KCNH1: variants seen among roughly 807,000 people sequenced by gnomAD.
The protein encoded by KCNH1 is voltage-gated delayed rectifier potassium channel KCNH1.
In KCNH1, 27 loss-of-function variants were observed where a neutral mutation model predicts 69.2. The observed-to-expected ratio is 0.39, with a 90% CI of 0.29 to 0.54. The LOEUF is 0.54. KCNH1 is among the 20% of genes least tolerant of loss of function. The pLI is 0.68. For missense variants in KCNH1, 798 were observed against 1,261.6 expected (o/e 0.63, Z 5.57); for synonymous variants, 456 against 487.7 (o/e 0.93, Z 0.86).
At chr1:210,793,366 A>G (rs1684246752) in intron 9 of KCNH1, among the ~76,000 whole-genome samples, 1 of 152,234 alleles carries the variant, frequency 6.6e-6, no homozygotes, top group Non-Finnish European at 1.5e-5. Context: ...AATAGAAAAT[A>G]CCAGGTTGCA....
chr1:210,709,980 A>G (rs1682026296), intron 10 of KCNH1, among the ~76,000 whole-genome samples: 1 of 152,222 alleles, frequency 6.6e-6, no homozygotes, highest in African/African-American at 2.4e-5. Flanking sequence ...GTGTTGCTTA[A>G]CAACAGGAAT....
At chr1:210,906,103 G>C (rs1181604952) in intron 7 of KCNH1, among the ~76,000 whole-genome samples, 5 of 152,176 alleles carry the variant, frequency 3.3e-5, no homozygotes, top group African/African-American at 1.2e-4. Context: ...ACTCCCAGAA[G>C]TAAAAGTCAT....
intron 2 of KCNH1, among the ~76,000 whole-genome samples, chr1:211,106,730 G>A (rs1226744051): frequency 1.3e-5 from 2 of 150,486 alleles, no homozygotes; most frequent in Non-Finnish European, 3.0e-5. Flanking sequence ...AGGAGACAGA[G>A]GCTGCAGTGA....
intron 10 of KCNH1, among the ~76,000 whole-genome samples, chr1:210,770,559 G>A (rs1223760057): frequency 6.6e-6 from 1 of 152,210 alleles, no homozygotes; most frequent in Non-Finnish European, 1.5e-5. Context: ...CTAATAGCAT[G>A]GCCGGGTTAA....
At chr1:210,889,621 G>C (rs1686701525) in intron 7 of KCNH1, among the ~76,000 whole-genome samples, 1 of 152,212 alleles carries the variant, frequency 6.6e-6, no homozygotes, top group African/African-American at 2.4e-5. Flanking sequence ...AATTGTCTCT[G>C]TTTGCAGATG....
intron 10 of KCNH1, among the ~76,000 whole-genome samples, chr1:210,765,437 G>T (rs1047128696): frequency 4.6e-5 from 7 of 152,200 alleles, no homozygotes; most frequent in Non-Finnish European, 8.8e-5. Context: ...TATGGGCTTG[G>T]TGATTGCCAG....
At chr1:210,726,276 G>A (rs1268659455) in intron 10 of KCNH1, among the ~76,000 whole-genome samples, 1 of 152,120 alleles carries the variant, frequency 6.6e-6, no homozygotes, top group Non-Finnish European at 1.5e-5. Context: ...TCGCTGATGT[G>A]CAATAACACC....
At chr1:211,084,838 T>C (rs959274629) in intron 4 of KCNH1, among the ~76,000 whole-genome samples, 2 of 152,232 alleles carry the variant, frequency 1.3e-5, no homozygotes, top group Admixed American at 6.5e-5. Flanking sequence ...GTGTTAATTC[T>C]ATAAACATAA....
chr1:210,885,148 C>T (rs1287304109), intron 7 of KCNH1, among the ~76,000 whole-genome samples: 1 of 152,236 alleles, frequency 6.6e-6, no homozygotes, highest in Non-Finnish European at 1.5e-5. Context: ...ATAGGAACAA[C>T]TCCGGTCTGC....
intron 7 of KCNH1, among the ~76,000 whole-genome samples, chr1:210,874,319 A>G (rs974855515): frequency 6.6e-6 from 1 of 152,142 alleles, no homozygotes; most frequent in Non-Finnish European, 1.5e-5. Flanking sequence ...AAGAGAATAA[A>G]TTTTCCTGCT....
Position 210,792,085 on chromosome 1 carries a change from A to T in KCNH1, c.1915+5423T>A, listed in dbSNP as rs1014538307. Among the ~76,000 whole-genome samples the T allele has an allele frequency of 3.8e-4, 57 of 150,698 alleles. 1 individual carries two copies. The highest frequency in any genetic ancestry group is 1.3e-3 in the African/African-American group (55 of 40,972). Reference sequence around the variant, plus strand: ...CTCTTCCCATCTTCTTTCCTCCTCCACTTCCTCCTCCTCTGGCCCTGTTGA... The same window carrying T: ...CTCTTCCCATCTTCTTTCCTCCTCCTCTTCCTCCTCCTCTGGCCCTGTTGA... On this transcript the variant is annotated intron_variant, in intron 9 of 10. Transcript: ENST00000271751.
At chr1:210,776,723 T>C (rs61829493) in intron 9 of KCNH1, among the ~76,000 whole-genome samples, 35,388 of 152,080 alleles carry the variant, frequency 0.23, 4,850 homozygotes, top group African/African-American at 0.39. Context: ...ACCCAGACTA[T>C]GGTATTTTGT....
At chr1:210,787,079 C>A (rs1684118803) in intron 9 of KCNH1, among the ~76,000 whole-genome samples, 1 of 152,202 alleles carries the variant, frequency 6.6e-6, no homozygotes, top group South Asian at 2.1e-4. Flanking sequence ...TACCCTCAGT[C>A]CAAATTCCCT....
chr1:210,892,233 C>A (rs1686765917), intron 7 of KCNH1, among the ~76,000 whole-genome samples: 1 of 151,516 alleles, frequency 6.6e-6, no homozygotes. Flanking sequence ...AAAAAAACAA[C>A]CCTTATATCC....
At chr1:210,698,401 G>A (rs1681692580) in intron 10 of KCNH1, among the ~76,000 whole-genome samples, 1 of 152,182 alleles carries the variant, frequency 6.6e-6, no homozygotes, top group South Asian at 2.1e-4. Flanking sequence ...CAGGAGAACA[G>A]GGCATTTGAG....
chr1:210,998,526 T>C (rs995599747), intron 6 of KCNH1, among the ~76,000 whole-genome samples: 1 of 151,998 alleles, frequency 6.6e-6, no homozygotes, highest in African/African-American at 2.4e-5. Flanking sequence ...TCCTGAGAGA[T>C]CTACAAAGAG....
At chr1:211,087,500 TAACAAAAG>T (rs1405120658) in intron 4 of KCNH1, among the ~76,000 whole-genome samples, 1 of 151,860 alleles carries the variant, frequency 6.6e-6, no homozygotes, top group Non-Finnish European at 1.5e-5. Flanking sequence ...CAATTATCTA[TAACAAAAG>T]AAAAAGCAAG....
At chr1:210,692,062 C>A (rs946202903) in intron 10 of KCNH1, among the ~76,000 whole-genome samples, 2 of 152,336 alleles carry the variant, frequency 1.3e-5, no homozygotes, top group East Asian at 3.9e-4. Context: ...CACTGGCTCT[C>A]AGCACACTGC....
chr1:210,977,211 A>T (rs1240908926), intron 6 of KCNH1, among the ~76,000 whole-genome samples: 1 of 152,024 alleles, frequency 6.6e-6, no homozygotes, highest in Non-Finnish European at 1.5e-5. Flanking sequence ...ACCAAACACC[A>T]CATGTTCTCA....
Sources: gnomAD v4.1 joint callset for allele counts (sites outside exome capture counted in the v4.1 genomes callset) on GRCh38, gnomAD v4.1.1 for gene constraint, MANE v1.5 for transcripts, NCBI Gene and HGNC (gene_info 2026-07-23, HGNC 2026-07-21) for gene names.